The following RAPGEF1 variants were observed in gnomAD, a reference collection of about 807,000 sequenced individuals.
The protein encoded by RAPGEF1 is Rap guanine nucleotide exchange factor 1.
RAPGEF1 carries 33 observed loss-of-function variants against 143.3 expected under a neutral mutation model. The ratio of observed to expected loss-of-function variants is 0.23; its 90% CI spans 0.17 to 0.31. The LOEUF is 0.31. Ranked by LOEUF, RAPGEF1 falls within the 10% of genes least tolerant of loss-of-function variation. The pLI is 1.00. For synonymous variants in RAPGEF1, 629 were observed against 676.5 expected, an observed-to-expected ratio of 0.93 and a Z score of 1.09; for missense variants, 1,199 against 1,645.4, an observed-to-expected ratio of 0.73 and a Z score of 4.69.
In RAPGEF1 at chr9:131,587,768, C is replaced by G; in HGVS notation, c.3201G>C (p.Gln1067His). 6.2e-7 allele frequency: 1 copy of G among 1,613,796 alleles called. No homozygotes were observed. The highest frequency in any genetic ancestry group is 1.3e-5 in the African/African-American group (1 of 75,060). Residue 1067 changes from glutamine to histidine, a missense_variant, in exon 22 of 27, where the codon CAG becomes CAC. Physicochemically the swap from Gln to His is conservative, Grantham distance 24 (BLOSUM62 0). Coordinates refer to ENST00000683357, the MANE Select transcript of RAPGEF1 (RefSeq NM_001377935.1). ...ACATGTTGTTGAAGTGCTCCGTGAACTGGGTCAAGTTGGGGCTCTTCTCCT... is the reference window on the plus strand; with the variant it reads ...ACATGTTGTTGAAGTGCTCCGTGAAGTGGGTCAAGTTGGGGCTCTTCTCCT... Reference protein sequence around the residue: ...QNEEKSPNLTQFTEHFNNMSY... With the variant: ...QNEEKSPNLTHFTEHFNNMSY...
chr9:131,631,606 G>A (rs1342079745), intron 5 of RAPGEF1, among the ~76,000 whole-genome samples: 1 of 152,236 alleles, frequency 6.6e-6, no homozygotes, highest in African/African-American at 2.4e-5. Context: ...CAGAGGAGGT[G>A]GCAGCGGATG....
chr9:131,709,089 C>T (rs1835312851), intron 1 of RAPGEF1, among the ~76,000 whole-genome samples: 1 of 152,106 alleles, frequency 6.6e-6, no homozygotes, highest in Non-Finnish European at 1.5e-5. Context: ...TGGCTCACAC[C>T]TATAATCCCA....
intron 9 of RAPGEF1, among the ~76,000 whole-genome samples, chr9:131,627,621 T>C (rs1963640447): frequency 6.6e-6 from 1 of 152,194 alleles, no homozygotes; most frequent in South Asian, 2.1e-4. Context: ...CAAATGGCTC[T>C]TAATTTTGGT....
rs1830157720 is a variant in RAPGEF1 at position 131,664,747 on chromosome 9, T to C, written c.62-13798A>G. On this transcript the variant is annotated intron_variant, in intron 1 of 26. Transcript: ENST00000683357. ...TGATGGGCATATAGCAAGTACTGTGTTCAAAAAGATATTCTAATTCTTTTT... is the reference window on the plus strand; with the variant it reads ...TGATGGGCATATAGCAAGTACTGTGCTCAAAAAGATATTCTAATTCTTTTT... Among the ~76,000 whole-genome samples the C allele has an allele frequency of 2.0e-5, 3 of 152,248 alleles. No individual in the cohort carries two copies. In the South Asian group the frequency reaches 6.2e-4, roughly 31 times the overall value.
At chr9:131,585,282 C>T (rs1952521820) in intron 22 of RAPGEF1, among the ~76,000 whole-genome samples, 1 of 152,132 alleles carries the variant, frequency 6.6e-6, no homozygotes, top group Non-Finnish European at 1.5e-5. Context: ...CTGTTCTCAA[C>T]TGATCCTTCT....
intron 1 of RAPGEF1, among the ~76,000 whole-genome samples, chr9:131,682,862 C>T (rs140458876): frequency 7.2e-5 from 11 of 152,230 alleles, no homozygotes; most frequent in African/African-American, 2.4e-4. Flanking sequence ...CAGCACTGGC[C>T]GTCCGTGAGG....
chr9:131,739,808 CG>C lies in RAPGEF1; in HGVS notation c.22del (p.Arg8GlyfsTer25). 8.7e-7 allele frequency: 1 copy of C among 1,151,932 alleles called. No individual in the cohort carries two copies. The highest frequency in any genetic ancestry group is 1.1e-6 in the Non-Finnish European group (1 of 920,100). The allele number at this position is 1,151,932 out of a possible 1,614,324, so 71.4% of individuals were successfully genotyped here. On this transcript the variant is annotated frameshift_variant, in exon 1 of 27. Coordinates refer to ENST00000683357, the MANE Select transcript of RAPGEF1 (RefSeq NM_001377935.1). LOFTEE classifies it high-confidence loss of function. ...CTTGCCGGACATTTCCGGGCTGCGC[CG>C]GAGGCCGAGGCCGCCGCTCATCGGG... MSGGLGL[R>X]RSPEMSGKIE...
chr9:131,650,288 T>C lies in RAPGEF1; in HGVS notation c.202-46A>G, dbSNP rs1159491007. The C allele has an allele frequency of 2.0e-6, 3 of 1,464,338 alleles. No homozygotes were observed. The highest frequency in any genetic ancestry group is 2.8e-5 in the African/African-American group (2 of 71,302). 90.7% of individuals were successfully genotyped at this position (1,464,338 alleles called of 1,614,324 possible). A position where few individuals can be genotyped will look rare whatever the true frequency, so the allele number is the denominator to read the frequency against. ...ATTCCTACAGAGTTTGAAATGGCTG[T>C]TTGAGGCCGAAGGGAGGGGTTGATG... On this transcript the variant is annotated intron_variant, in intron 2 of 26. Coordinates refer to ENST00000683357, the MANE Select transcript of RAPGEF1 (RefSeq NM_001377935.1). The surrounding 1 kb of genome is among the most constrained non-coding windows in gnomAD (Gnocchi z 4.7).
intron 10 of RAPGEF1, among the ~76,000 whole-genome samples, chr9:131,625,346 A>G (rs945904234): frequency 1.3e-5 from 2 of 152,188 alleles, no homozygotes; most frequent in African/African-American, 4.8e-5. Context: ...ACCGTTGGAA[A>G]ATATTCAAAA....
chr9:131,676,017 T>C lies in RAPGEF1; in HGVS notation c.62-25068A>G, dbSNP rs1832297547. On this transcript the variant is annotated intron_variant, in intron 1 of 26. Coordinates refer to ENST00000683357, the MANE Select transcript of RAPGEF1 (RefSeq NM_001377935.1). ...CCTGGGCTCAAGTGATCCTTCCACCTTGGCCTCTCAAAGTGCTGGGATTAT... is the reference window on the plus strand; with the variant it reads ...CCTGGGCTCAAGTGATCCTTCCACCCTGGCCTCTCAAAGTGCTGGGATTAT... Among the ~76,000 whole-genome samples the C allele has an allele frequency of 2.0e-5, 3 of 152,104 alleles. No individual in the cohort carries two copies. The South Asian group carries it at 6.2e-4, about 32-fold the overall frequency.
In RAPGEF1 at chr9:131,602,042, C is replaced by T; in HGVS notation, c.2501+19G>A. The T allele has an allele frequency of 6.4e-7, 1 of 1,568,478 alleles. No individual in the cohort carries two copies. Among genetic ancestry groups the T allele is most frequent in the Non-Finnish European group, 8.6e-7 (1 of 1,156,114 alleles). On this transcript the variant is annotated intron_variant, in intron 15 of 26. Transcript: ENST00000683357. ...GCACTGCTCTCGGGGGACCCAGCTCCTCTGGGTCCACTTCCTACCTCTCAC... is the reference window on the plus strand; with the variant it reads ...GCACTGCTCTCGGGGGACCCAGCTCTTCTGGGTCCACTTCCTACCTCTCAC...
chr9:131,635,050 G>T (rs1221359187), intron 5 of RAPGEF1, among the ~76,000 whole-genome samples: 6 of 152,150 alleles, frequency 3.9e-5, no homozygotes, highest in African/African-American at 7.2e-5. Flanking sequence ...AGAGCCAGAT[G>T]AGGGGACAGG....
At chr9:131,582,475 A>G in intron 25 of RAPGEF1, 130 bp downstream of exon 25, 1 of 599,252 alleles carries the variant, frequency 1.7e-6, no homozygotes, top group African/African-American at 1.9e-5. Flanking sequence ...ACCTTAAGTA[A>G]AACCAAGTAC....
intron 22 of RAPGEF1, among the ~76,000 whole-genome samples, chr9:131,585,106 G>A (rs922318443): frequency 6.6e-6 from 1 of 152,158 alleles, no homozygotes; most frequent in South Asian, 2.1e-4. Flanking sequence ...AATGCAGCAG[G>A]GATGTCACCC....
chr9:131,739,741 GA>G, intron 1 of RAPGEF1, 28 bp downstream of exon 1: 1 of 1,118,180 alleles, frequency 8.9e-7, no homozygotes, highest in South Asian at 2.3e-5. Flanking sequence ...GGCCCGGCCG[GA>G]GGGAGCCGCC....
intron 1 of RAPGEF1, among the ~76,000 whole-genome samples, chr9:131,661,986 T>C (rs910052424): frequency 8.5e-5 from 13 of 152,262 alleles, no homozygotes; most frequent in African/African-American, 2.7e-4. Flanking sequence ...TTGAATCTTA[T>C]AATTTTTTAT....
chr9:131,639,957 A>G (rs1425269521), intron 4 of RAPGEF1, among the ~76,000 whole-genome samples: 1 of 152,246 alleles, frequency 6.6e-6, no homozygotes, highest in Non-Finnish European at 1.5e-5. Context: ...TCCACTCTGC[A>G]TGTTCCAACA....
chr9:131,603,471 G>A (rs952899983), intron 14 of RAPGEF1, among the ~76,000 whole-genome samples: 2 of 152,184 alleles, frequency 1.3e-5, no homozygotes, highest in Admixed American at 1.3e-4. Context: ...CATAGTCATG[G>A]CAGGGGCTAT....
chr9:131,717,296 GCTC>G (rs1406113806), intron 1 of RAPGEF1, among the ~76,000 whole-genome samples: 3 of 152,174 alleles, frequency 2.0e-5, no homozygotes, highest in Admixed American at 6.5e-5. Flanking sequence ...CTCTGGCTGT[GCTC>G]CTCAAGCTTG....
Sources: allele counts gnomAD v4.1 joint callset (sites outside exome capture counted in the v4.1 genomes callset), GRCh38; gene constraint gnomAD v4.1.1; non-coding constraint Gnocchi (gnomAD v3.1); transcripts MANE v1.5; gene names NCBI Gene and HGNC (gene_info 2026-07-23, HGNC 2026-07-21).